ARHGAP5: variants seen among roughly 807,000 people sequenced by gnomAD.
ARHGAP5 encodes the protein rho GTPase-activating protein 5.
ARHGAP5 carries 23 observed loss-of-function variants against 116.6 expected under a neutral mutation model. The ratio of observed to expected loss-of-function variants is 0.20; its 90% CI spans 0.14 to 0.28. ARHGAP5 has a LOEUF of 0.28. Ranked by LOEUF, ARHGAP5 falls within the 10% of genes least tolerant of loss-of-function variation. The probability of loss-of-function intolerance (pLI) is 1.00; values close to 1 mark genes in which losing one functional copy is unlikely to be tolerated. For synonymous variants in ARHGAP5, 574 were observed against 602.0 expected (o/e 0.95, Z 0.68); for missense variants, 1,405 against 1,774.8 (o/e 0.79, Z 3.74).
chr14:32,138,393 C>G (rs1366696647), intron 3 of ARHGAP5, among the ~76,000 whole-genome samples: 2 of 152,198 alleles, frequency 1.3e-5, no homozygotes, highest in Non-Finnish European at 2.9e-5. Flanking sequence ...AAGCAATTCT[C>G]TTGCCTCAGC....
intron 5 of ARHGAP5, among the ~76,000 whole-genome samples, chr14:32,151,048 A>G (rs1034329017): frequency 6.6e-6 from 1 of 152,170 alleles, no homozygotes; most frequent in Middle Eastern, 3.2e-3. Context: ...TATTGTTCTA[A>G]GTTCTCAGTG....
At chr14:32,130,011 C>G (rs1409626467) in intron 3 of ARHGAP5, among the ~76,000 whole-genome samples, 1 of 151,832 alleles carries the variant, frequency 6.6e-6, no homozygotes, top group Non-Finnish European at 1.5e-5. Context: ...TGCAGTGAGC[C>G]ATGATCACAG....
intron 2 of ARHGAP5, among the ~76,000 whole-genome samples, chr14:32,109,858 CCA>C (rs1210510223): frequency 6.6e-6 from 1 of 152,138 alleles, no homozygotes; most frequent in Non-Finnish European, 1.5e-5. Flanking sequence ...CTTCTGGCTT[CCA>C]GTTTTCCGGA....
At chr14:32,135,531 T>G (rs1442329713) in intron 3 of ARHGAP5, among the ~76,000 whole-genome samples, 1 of 152,248 alleles carries the variant, frequency 6.6e-6, no homozygotes, top group Non-Finnish European at 1.5e-5. Flanking sequence ...CAAGCAGTTC[T>G]CCTGCCTCAG....
chr14:32,088,954 G>A (rs1404109109), intron 1 of ARHGAP5, among the ~76,000 whole-genome samples: 2 of 151,848 alleles, frequency 1.3e-5, no homozygotes, highest in Non-Finnish European at 3.0e-5. Flanking sequence ...ATAGGAGTCG[G>A]ATTTTGAAAT....
In ARHGAP5 at chr14:32,091,857, T is replaced by A; in HGVS notation, c.1188T>A (p.Asn396Lys). The A allele has an allele frequency of 6.2e-7, 1 of 1,613,486 alleles. No homozygotes were observed. The highest frequency in any genetic ancestry group is 8.5e-7 in the Non-Finnish European group (1 of 1,179,628). ...WDETDHIDKI[N>K]DRRIPFDLLS... ...AAACTGACCATATAGACAAAATTAA[T>A]GATAGGCGGATTCCATTTGACCTCC... The change falls in exon 2 of 7, where the codon AAT becomes AAA. Residue 396 changes from asparagine to lysine, a missense_variant. Physicochemically the swap from Asn to Lys is moderately conservative, Grantham distance 94 (BLOSUM62 0). Transcript: ENST00000345122.
chr14:32,124,178 G>A (rs1284478127), intron 3 of ARHGAP5, among the ~76,000 whole-genome samples: 1 of 152,052 alleles, frequency 6.6e-6, no homozygotes, highest in African/African-American at 2.4e-5. Context: ...CAGACACTAC[G>A]TTGGGGCATT....
chr14:32,147,208 T>C (rs115526484), intron 4 of ARHGAP5, among the ~76,000 whole-genome samples: 2,001 of 152,246 alleles, frequency 0.013, 33 homozygotes, highest in African/African-American at 0.045. Context: ...TTTTATAGTC[T>C]TAGAGTAAAG....
intron 4 of ARHGAP5, among the ~76,000 whole-genome samples, chr14:32,149,330 T>C (rs1594397784): frequency 1.3e-5 from 2 of 151,902 alleles, no homozygotes; most frequent in South Asian, 2.1e-4. Context: ...TGGCCTCTTT[T>C]AAATAGCTGT....
At chr14:32,086,462 T>C (rs1396993788) in intron 1 of ARHGAP5, among the ~76,000 whole-genome samples, 1 of 152,118 alleles carries the variant, frequency 6.6e-6, no homozygotes, top group Non-Finnish European at 1.5e-5. Flanking sequence ...TAGAAGACTT[T>C]GGAGTAATCT....
chr14:32,120,716 CAAG>C, intron 3 of ARHGAP5, among the ~76,000 whole-genome samples: 1 of 150,772 alleles, frequency 6.6e-6, no homozygotes, highest in Non-Finnish European at 1.5e-5. Context: ...ATTTGAAAAA[CAAG>C]GAGTTTGATT....
At chr14:32,078,883 T>G (rs1207132503) in intron 1 of ARHGAP5, among the ~76,000 whole-genome samples, 2 of 152,250 alleles carry the variant, frequency 1.3e-5, no homozygotes, top group African/African-American at 4.8e-5. Context: ...GGTATTCTTA[T>G]TCAGTGTTTG....
intron 1 of ARHGAP5, among the ~76,000 whole-genome samples, chr14:32,078,575 T>C (rs1475449668): frequency 2.0e-5 from 3 of 152,206 alleles, no homozygotes; most frequent in Admixed American, 2.0e-4. Context: ...TGCTTCGCTG[T>C]ATTTACTAGT....
chr14:32,110,030 T>C (rs1879208514), intron 2 of ARHGAP5, among the ~76,000 whole-genome samples: 1 of 152,270 alleles, frequency 6.6e-6, no homozygotes, highest in Non-Finnish European at 1.5e-5. Context: ...TCCTGGTACA[T>C]AGTAAGGTCG....
At chr14:32,132,957 G>GT (rs1254789355) in intron 3 of ARHGAP5, among the ~76,000 whole-genome samples, 1 of 152,102 alleles carries the variant, frequency 6.6e-6, no homozygotes, top group Non-Finnish European at 1.5e-5. Flanking sequence ...GTCTGTTTTG[G>GT]TACCAGTACC....
rs200073853 is a variant in ARHGAP5, at chr14:32,093,763, C to T, written c.3094C>T (p.Arg1032Cys). ...TACCCCAAACTGTCATGACCATGAA[C>T]GCAACCATAAAGTGCCTCCACCTAT... is the stretch of plus-strand genomic sequence containing the variant. ...HSTPNCHDHE[R>C]NHKVPPPIKP... Residue 1032 changes from arginine to cysteine, a missense_variant, in exon 2 of 7, where the codon CGC becomes TGC. Arg to Cys is a radical substitution (Grantham distance 180). Around this residue, in one of 6 missense-constraint regions of ARHGAP5, gnomAD observed 944 missense variants for 1,095.3 expected, o/e 0.86. Transcript: ENST00000345122. 1.1e-5 allele frequency: 18 copies of T among 1,614,006 alleles called. No homozygotes were observed. Among genetic ancestry groups the T allele is most frequent in the East Asian group, 2.2e-5 (1 of 44,866 alleles).
Position 32,093,479 on chromosome 14 carries a change from A to T in ARHGAP5, c.2810A>T (p.Asp937Val). 1 of 1,612,710 alleles carries T rather than the reference A, an allele frequency of 6.2e-7. No homozygotes were observed. The highest frequency in any genetic ancestry group is 8.5e-7 in the Non-Finnish European group (1 of 1,179,600). ...QTEVFTLFFSDVLEKKNMIEN... is the reference protein window; with the variant it reads ...QTEVFTLFFSVVLEKKNMIEN... ...GAGGTCTTTACTCTGTTTTTTAGTG[A>T]TGTTCTAGAGAAAAAAAATATGATA... The change falls in exon 2 of 7, where the codon GAT becomes GTT. Residue 937 changes from aspartate (D) to valine (V), a missense_variant. Transcript: ENST00000345122.
intron 2 of ARHGAP5, among the ~76,000 whole-genome samples, chr14:32,106,449 A>G (rs762762483): frequency 6.6e-6 from 1 of 152,198 alleles, no homozygotes; most frequent in Non-Finnish European, 1.5e-5. Context: ...CCTACTGGCA[A>G]TGTATGATGG....
intron 1 of ARHGAP5, among the ~76,000 whole-genome samples, chr14:32,082,260 T>G (rs2041784691): frequency 1.3e-5 from 2 of 152,224 alleles, no homozygotes; most frequent in South Asian, 2.1e-4. Context: ...CTTCATATGT[T>G]TTCTTTAGAA....
Sources: gnomAD v4.1 joint callset for allele counts (sites outside exome capture counted in the v4.1 genomes callset) on GRCh38, gnomAD v4.1.1 for gene constraint, gnomAD v4.1.1 regional missense constraint, MANE v1.5 for transcripts, NCBI Gene and HGNC (gene_info 2026-07-23, HGNC 2026-07-21) for gene names.